Variants in SVIL observed in about 807,000 individuals in gnomAD.
The protein encoded by SVIL is supervillin.
A neutral mutation model predicts 240.4 loss-of-function variants in SVIL; 101 were observed. That is an observed-to-expected ratio of 0.42 (90% confidence interval 0.36 to 0.50). The LOEUF (loss-of-function observed/expected upper bound fraction) is 0.50. Among genes scored for constraint, SVIL ranks in the 20% least tolerant of loss-of-function variants. SVIL has a pLI of 0.01. For synonymous variants in SVIL, 999 were observed against 1,100.0 expected, an observed-to-expected ratio of 0.91 and a Z score of 1.82; for missense variants, 2,512 against 2,818.7, an observed-to-expected ratio of 0.89 and a Z score of 2.46.
At chr10:29,561,807 C>T (rs1414722584) in intron 3 of SVIL, among the ~76,000 whole-genome samples, 1 of 152,192 alleles carries the variant, frequency 6.6e-6, no homozygotes, top group East Asian at 1.9e-4. Context: ...ATCTCATCTG[C>T]CTCCTTGTAA....
At chr10:29,541,853 A>G (rs1190699785) in intron 6 of SVIL, among the ~76,000 whole-genome samples, 1 of 152,142 alleles carries the variant, frequency 6.6e-6, no homozygotes, top group Non-Finnish European at 1.5e-5. Context: ...TTTTCTGCTC[A>G]CTTATCACGA....
chr10:29,544,495 G>A (rs928921884), intron 6 of SVIL, among the ~76,000 whole-genome samples: 2 of 152,008 alleles, frequency 1.3e-5, no homozygotes, highest in African/African-American at 2.4e-5. Flanking sequence ...TGGCTCACAC[G>A]TGTAGTCCCA....
Position 29,506,714 on chromosome 10 carries a change from A to ACAGAGGGCC in SVIL, c.3516+6020_3516+6021insGGCCCTCTG, listed in dbSNP as rs1564535234. On this transcript the variant is annotated intron_variant, in intron 17 of 37. Coordinates refer to ENST00000355867, the MANE Select transcript of SVIL (RefSeq NM_021738.3). ...GGACAGAGGCCCTACGAGGGAGGGGATAGAGACTCTACGAAGGAGGGGACA... is the reference window on the plus strand; with the variant it reads ...GGACAGAGGCCCTACGAGGGAGGGGACAGAGGGCCTAGAGACTCTACGAAGGAGGGGACA... 1.2e-4 allele frequency among the ~76,000 whole-genome samples: 13 copies of ACAGAGGGCC among 109,730 alleles called. 1 individual carries two copies. The highest frequency in any genetic ancestry group is 5.8e-4 in the South Asian group (2 of 3,444). The allele number at this position is 109,730 out of a possible 152,430, so 72.0% of individuals were successfully genotyped here.
intron 3 of SVIL, among the ~76,000 whole-genome samples, chr10:29,559,193 T>C (rs1318990079): frequency 2.0e-5 from 3 of 152,012 alleles, no homozygotes; most frequent in Non-Finnish European, 4.4e-5. Context: ...AAGGTTTGTG[T>C]TCTTTTAAAA....
intron 1 of SVIL, among the ~76,000 whole-genome samples, chr10:29,693,936 C>T (rs1039738008): frequency 2.0e-5 from 3 of 148,666 alleles, no homozygotes; most frequent in Non-Finnish European, 4.5e-5. Flanking sequence ...TAGATAGATA[C>T]ATATATACAT....
At chr10:29,590,165 C>CAAAAAA (rs58469441) in intron 1 of SVIL, among the ~76,000 whole-genome samples, 8 of 79,666 alleles carry the variant, frequency 1.0e-4, no homozygotes, top group African/African-American at 1.9e-4. Context: ...GACTCCGTCT[C>CAAAAAA]AAAAAAAAAA....
At chr10:29,490,378 A>G (rs1041823585) in intron 22 of SVIL, among the ~76,000 whole-genome samples, 3 of 152,224 alleles carry the variant, frequency 2.0e-5, no homozygotes, top group East Asian at 1.9e-4. Context: ...CAGGATCTAC[A>G]GAGCTGAAAA....
chr10:29,484,498 G>T lies in SVIL; in HGVS notation c.4955+158C>A, dbSNP rs529709749. 3.1e-4 allele frequency among the ~76,000 whole-genome samples: 47 copies of T among 152,284 alleles called. No individual in the cohort carries two copies. Among genetic ancestry groups the T allele is most frequent in the Non-Finnish European group, 5.9e-4 (40 of 68,024 alleles). On this transcript the variant is annotated intron_variant, in intron 27 of 37. Transcript: ENST00000355867. The surrounding 1 kb of genome is among the most constrained non-coding windows in gnomAD (Gnocchi z 4.7). ...CTGCAATAGTTAGATAAAAGTTAAA[G>T]AACTGTTCCTTTTGTGAATATTCAC...
Position 29,550,819 on chromosome 10 carries a change from A to G in SVIL, c.605T>C (p.Ile202Thr), listed in dbSNP as rs200170352. The G allele has an allele frequency of 1.1e-5, 18 of 1,613,962 alleles. No homozygotes were observed. In the East Asian group the frequency reaches 3.8e-4, roughly 34 times the overall value. The change falls in exon 6 of 38, where the codon ATA becomes ACA. Residue 202 changes from isoleucine to threonine, a missense_variant. This residue lies in a region of SVIL where 1,443 missense variants were observed against 1,486.6 expected (regional missense o/e 0.97). Coordinates refer to ENST00000355867, the MANE Select transcript of SVIL (RefSeq NM_021738.3). ...GSSDPEVLLN[I>T]ENQRRGQELS... Reference sequence around the variant, plus strand: ...CTCTTGACCTCGTCTTTGGTTTTCTATGTTCAGCAGCACCTCCGGGTCGGA... The same window carrying G: ...CTCTTGACCTCGTCTTTGGTTTTCTGTGTTCAGCAGCACCTCCGGGTCGGA...
At chr10:29,526,162 ACT>A (rs1425911116) in intron 13 of SVIL, among the ~76,000 whole-genome samples, 1 of 152,028 alleles carries the variant, frequency 6.6e-6, no homozygotes, top group African/African-American at 2.4e-5. Flanking sequence ...AATGGCATTG[ACT>A]CTATAAATTA....
At chr10:29,543,512 TTTCCACAATC>T (rs879569472) in intron 6 of SVIL, among the ~76,000 whole-genome samples, 22 of 152,320 alleles carry the variant, frequency 1.4e-4, no homozygotes, top group Non-Finnish European at 2.5e-4. Flanking sequence ...TTAAATCAGG[TTTCCACAATC>T]TTGAACTTGT....
intron 1 of SVIL, among the ~76,000 whole-genome samples, chr10:29,717,231 T>TAA (rs1963674124): frequency 4.4e-5 from 1 of 22,764 alleles, no homozygotes; most frequent in Non-Finnish European, 8.0e-5. Flanking sequence ...AGACTCTCTC[T>TAA]CAAAAAAAAA....
At chr10:29,619,168 T>C (rs1321837127) in intron 1 of SVIL, among the ~76,000 whole-genome samples, 1 of 152,154 alleles carries the variant, frequency 6.6e-6, no homozygotes, top group Non-Finnish European at 1.5e-5. Flanking sequence ...GCAAAAAAAA[T>C]TGTATTCCCC....
Position 29,484,925 on chromosome 10 carries a change from C to T in SVIL, c.4780-94G>A, listed in dbSNP as rs756830595. ...GGTCTCTTGTTGACAGTGAGTCAAA[C>T]GGAGGAAGACAGAAATCCTAACGGG... On this transcript the variant is annotated intron_variant, in intron 26 of 37. Transcript: ENST00000355867. This position sits in a 1 kb window ranked among gnomAD's most constrained non-coding sequence, Gnocchi z 4.7. The T allele has an allele frequency of 7.8e-5, 104 of 1,326,206 alleles. 1 individual carries two copies. Among genetic ancestry groups the T allele is most frequent in the Non-Finnish European group, 9.1e-5 (89 of 977,972 alleles). 82.2% of individuals were successfully genotyped at this position (1,326,206 alleles called of 1,614,324 possible).
At chr10:29,532,490 C>T (rs750850003) in intron 8 of SVIL, 39 bp downstream of exon 8, 1 of 1,568,808 alleles carries the variant, frequency 6.4e-7, no homozygotes, top group Non-Finnish European at 8.7e-7. Context: ...CAGGGACGTG[C>T]AAGTGACACA....
chr10:29,653,672 T>G (rs775557317), intron 3 of SVIL, among the ~76,000 whole-genome samples: 5 of 152,334 alleles, frequency 3.3e-5, no homozygotes, highest in Non-Finnish European at 5.9e-5. Context: ...CTGAGAGTTT[T>G]AAGGCTTACC....
chr10:29,462,409 T>TA lies in SVIL; in HGVS notation c.6278-9dup, dbSNP rs775920841. On this transcript the variant is annotated splice_polypyrimidine_tract_variant and intron_variant, in intron 35 of 37. Coordinates refer to ENST00000355867, the MANE Select transcript of SVIL (RefSeq NM_021738.3). ...GTTTCTTGAGATTTTTTCCTGTAGT[T>TA]ACACAGATTGCAATGTCAGTAGACC... 6.2e-6 allele frequency: 10 copies of TA among 1,613,762 alleles called. No individual in the cohort carries two copies. The Admixed American group carries it at 1.7e-4, about 27-fold the overall frequency.
chr10:29,707,306 T>TTTG lies in SVIL; in HGVS notation c.-399-20656_-399-20655insCAA, dbSNP rs1409353054. Among the ~76,000 whole-genome samples the TTTG allele has an allele frequency of 2.6e-5, 4 of 152,318 alleles. No homozygotes were observed. The East Asian group carries it at 7.7e-4, about 29-fold the overall frequency. On this transcript the variant is annotated intron_variant, in intron 1 of 35. Coordinates refer to the SVIL transcript ENST00000375400. Reference sequence around the variant, plus strand: ...TTTTTCCATTTGTTTGTGTACTCTCTTATTTCCTTGAGCAGTGGTTTGTAG... The same window carrying TTTG: ...TTTTTCCATTTGTTTGTGTACTCTCTTTGTATTTCCTTGAGCAGTGGTTTGTAG...
At chr10:29,544,754 TAAAA>T (rs373279682) in intron 6 of SVIL, among the ~76,000 whole-genome samples, 2 of 70,320 alleles carry the variant, frequency 2.8e-5, no homozygotes, top group South Asian at 5.3e-4. Context: ...AGACCTTTTC[TAAAA>T]AAAAAAAAAA....
Sources: gnomAD v4.1 joint callset for allele counts (sites outside exome capture counted in the v4.1 genomes callset) on GRCh38, gnomAD v4.1.1 for gene constraint, gnomAD v4.1.1 regional missense constraint, Gnocchi (gnomAD v3.1) non-coding constraint, MANE v1.5 for transcripts, NCBI Gene and HGNC (gene_info 2026-07-23, HGNC 2026-07-21) for gene names.